LRMDA: variants seen among roughly 807,000 people sequenced by gnomAD.
The protein encoded by LRMDA is leucine-rich melanocyte differentiation-associated protein.
LRMDA carries 18 observed loss-of-function variants against 29.8 expected under a neutral mutation model. The ratio of observed to expected loss-of-function variants is 0.60; its 90% CI spans 0.42 to 0.90. The LOEUF (loss-of-function observed/expected upper bound fraction) is 0.90, where lower values mean the gene tolerates loss of function less well. Among genes scored for constraint, LRMDA ranks in the 40% least tolerant of loss-of-function variants. The pLI is 0.00. For synonymous variants in LRMDA, 125 were observed against 109.4 expected (o/e 1.14, Z -0.89); for missense variants, 273 against 273.9 (o/e 1.00, Z 0.02).
chr10:75,645,046 G>A (rs1305460951), intron 2 of LRMDA, among the ~76,000 whole-genome samples: 1 of 150,442 alleles, frequency 6.6e-6, no homozygotes, highest in Non-Finnish European at 1.5e-5. Context: ...GCAATGGCAC[G>A]ATCTCAGCTC....
Position 76,401,516 on chromosome 10 carries a change from A to G in LRMDA, c.601+77031A>G, listed in dbSNP as rs563322716. On this transcript the variant is annotated intron_variant, in intron 6 of 6. Coordinates refer to ENST00000611255, the MANE Select transcript of LRMDA (RefSeq NM_001305581.2). ...GTGAAGTCCCAGAAGGTAGTGGGGT[A>G]TATGCTAGGGGCTCAGAGAATTTGC... Among the ~76,000 whole-genome samples, 9 of 152,258 alleles carry G rather than the reference A, an allele frequency of 5.9e-5. No homozygotes were observed. The East Asian group carries it at 1.5e-3, about 26-fold the overall frequency.
intron 2 of LRMDA, among the ~76,000 whole-genome samples, chr10:75,670,296 T>G (rs558222752): frequency 2.0e-5 from 3 of 152,180 alleles, no homozygotes; most frequent in Non-Finnish European, 4.4e-5. Context: ...ATGTGCGAGA[T>G]CTCTTTTTGT....
chr10:75,452,274 G>A (rs1844470134), intron 2 of LRMDA, among the ~76,000 whole-genome samples: 1 of 152,132 alleles, frequency 6.6e-6, no homozygotes, highest in African/African-American at 2.4e-5. Context: ...TTTATTTTGA[G>A]CTGGTTTATT....
intron 3 of LRMDA, among the ~76,000 whole-genome samples, chr10:76,040,848 C>T (rs1848328911): frequency 6.6e-6 from 1 of 152,180 alleles, no homozygotes; most frequent in African/African-American, 2.4e-5. Context: ...TTTGCTTCAG[C>T]ACATGTACTG....
At chr10:76,255,265 AC>A (rs1365121416) in intron 5 of LRMDA, among the ~76,000 whole-genome samples, 1 of 152,184 alleles carries the variant, frequency 6.6e-6, no homozygotes, top group African/African-American at 2.4e-5. Context: ...GTTTGGGCCA[AC>A]CAAAATTAAA....
chr10:75,956,552 C>T (rs1260872601), intron 2 of LRMDA, among the ~76,000 whole-genome samples: 17 of 152,172 alleles, frequency 1.1e-4, no homozygotes, highest in Admixed American at 1.1e-3. Flanking sequence ...ACCACCATCA[C>T]TGTACAAGTG....
intron 2 of LRMDA, among the ~76,000 whole-genome samples, chr10:76,002,502 TC>T (rs869216640): frequency 6.8e-6 from 1 of 147,268 alleles, no homozygotes; most frequent in Non-Finnish European, 1.5e-5. Flanking sequence ...AGTTCCTACA[TC>T]TGTAAAATGG....
At chr10:76,071,595 A>G (rs900008734) in intron 5 of LRMDA, among the ~76,000 whole-genome samples, 1 of 152,210 alleles carries the variant, frequency 6.6e-6, no homozygotes, top group Non-Finnish European at 1.5e-5. Context: ...GAGTAAGCGG[A>G]ATAAAGAATA....
At chr10:76,291,379 A>T (rs113175228) in intron 5 of LRMDA, among the ~76,000 whole-genome samples, 1 of 152,374 alleles carries the variant, frequency 6.6e-6, no homozygotes, top group Non-Finnish European at 1.5e-5. Context: ...CAATCTATTT[A>T]TGATCTTCTA....
At chr10:75,969,089 A>G (rs562727715) in intron 2 of LRMDA, among the ~76,000 whole-genome samples, 4 of 152,322 alleles carry the variant, frequency 2.6e-5, no homozygotes, top group Admixed American at 1.3e-4. Flanking sequence ...GGCTGTTGCA[A>G]GAAAGGACTT....
Position 75,523,917 on chromosome 10 carries a change from G to A in LRMDA, c.131+85423G>A, listed in dbSNP as rs1019383197. ...TTATATAGAAAAAGCATCTGAAAAC[G>A]TGGAGTTGGAAGACTCAGGATGTCA... On this transcript the variant is annotated intron_variant, in intron 2 of 6. Transcript: ENST00000611255. Among the ~76,000 whole-genome samples, 12 of 152,230 alleles carry A rather than the reference G, an allele frequency of 7.9e-5. 1 individual carries two copies. In the South Asian group the frequency reaches 1.9e-3, roughly 24 times the overall value.
intron 5 of LRMDA, among the ~76,000 whole-genome samples, chr10:76,083,362 T>C (rs964880630): frequency 1.3e-5 from 2 of 152,188 alleles, no homozygotes; most frequent in African/African-American, 4.8e-5. Context: ...GTCAAGACTT[T>C]ACTGCCTCCT....
At chr10:75,769,948 A>T (rs537233704) in intron 2 of LRMDA, among the ~76,000 whole-genome samples, 1 of 152,224 alleles carries the variant, frequency 6.6e-6, no homozygotes, top group African/African-American at 2.4e-5. Flanking sequence ...GCACCACTGC[A>T]CTCCAGCCTG....
intron 2 of LRMDA, among the ~76,000 whole-genome samples, chr10:75,518,551 T>A (rs911369248): frequency 6.6e-6 from 1 of 152,148 alleles, no homozygotes; most frequent in Non-Finnish European, 1.5e-5. Context: ...ATGATGTCCC[T>A]TTTATCATTT....
intron 6 of LRMDA, among the ~76,000 whole-genome samples, chr10:76,458,347 G>T (rs1362878745): frequency 6.6e-6 from 1 of 152,094 alleles, no homozygotes; most frequent in Non-Finnish European, 1.5e-5. Flanking sequence ...ATCAATCCTG[G>T]AAGAATGTGC....
At chr10:75,853,680 A>G (rs1844771981) in intron 2 of LRMDA, among the ~76,000 whole-genome samples, 1 of 152,190 alleles carries the variant, frequency 6.6e-6, no homozygotes, top group African/African-American at 2.4e-5. Flanking sequence ...TCCCTGAGAT[A>G]TTGAATACCA....
intron 5 of LRMDA, among the ~76,000 whole-genome samples, chr10:76,264,454 A>C (rs1163947651): frequency 2.2e-5 from 3 of 133,974 alleles, no homozygotes; most frequent in South Asian, 2.5e-4. Flanking sequence ...AAAAAAAAAA[A>C]AAACACGGAA....
intron 2 of LRMDA, among the ~76,000 whole-genome samples, chr10:75,764,530 A>T (rs1843135992): frequency 6.6e-6 from 1 of 152,190 alleles, no homozygotes; most frequent in Non-Finnish European, 1.5e-5. Context: ...ACACAAAGGA[A>T]TTGTGCAAAG....
At chr10:76,293,523 T>C (rs1242879455) in intron 5 of LRMDA, among the ~76,000 whole-genome samples, 3 of 152,244 alleles carry the variant, frequency 2.0e-5, no homozygotes, top group Non-Finnish European at 4.4e-5. Context: ...AGTGGCATCA[T>C]ACAGGTGATT....
Sources: gnomAD v4.1 joint callset for allele counts (sites outside exome capture counted in the v4.1 genomes callset) on GRCh38, gnomAD v4.1.1 for gene constraint, MANE v1.5 for transcripts, NCBI Gene and HGNC (gene_info 2026-07-23, HGNC 2026-07-21) for gene names.